The following RERE variants were observed in gnomAD, a reference collection of about 807,000 sequenced individuals.
RERE encodes arginine-glutamic acid dipeptide repeats protein.
Under a neutral mutation model 146.1 loss-of-function variants are expected in RERE, and 40 were observed. The ratio of observed to expected loss-of-function variants is 0.27; its 90% CI spans 0.21 to 0.36. RERE has a LOEUF of 0.36. RERE is among the 10% of genes least tolerant of loss of function. The probability of loss-of-function intolerance (pLI) is 1.00; values close to 1 mark genes in which losing one functional copy is unlikely to be tolerated. For synonymous variants in RERE, 1,003 were observed against 866.0 expected (o/e 1.16, Z -2.78); for missense variants, 1,933 against 2,138.7 (o/e 0.90, Z 1.90).
intron 1 of RERE, among the ~76,000 whole-genome samples, chr1:8,783,434 C>T (rs1423308194): frequency 1.3e-5 from 2 of 152,210 alleles, no homozygotes; most frequent in Non-Finnish European, 2.9e-5. Flanking sequence ...ATGGATGAAG[C>T]ACCACCATTT....
chr1:8,360,713 G>T lies in RERE; in HGVS notation c.2794C>A (p.Pro932Thr). 1 of 1,582,060 alleles carries T rather than the reference G, an allele frequency of 6.3e-7. No individual in the cohort carries two copies. ...GGCAGCTGGGGGATGGGAGTGGTAG[G>T]CGGGGGCTTGATGTGGGGCATGGCC... ...PLAMPHIKPPPTTPIPQLPAP... is the reference protein window; with the variant it reads ...PLAMPHIKPPTTTPIPQLPAP... Residue 932 changes from proline to threonine, a missense_variant, in exon 18 of 23, where the codon CCT (proline) becomes ACT (threonine). Pro to Thr is a conservative substitution (Grantham distance 38, BLOSUM62 -1). Transcript: ENST00000400908.
At chr1:8,525,982 G>A in intron 7 of RERE, 4 of 1,336,280 alleles carry the variant, frequency 3.0e-6, no homozygotes, top group Non-Finnish European at 3.8e-6. Context: ...TGACAGGACT[G>A]AGCATGTGCT....
At chr1:8,595,834 G>T (rs910634928) in intron 4 of RERE, among the ~76,000 whole-genome samples, 2 of 152,048 alleles carry the variant, frequency 1.3e-5, no homozygotes, top group African/African-American at 4.8e-5. Flanking sequence ...AATAATATAG[G>T]AAAGAAGAAA....
intron 7 of RERE, among the ~76,000 whole-genome samples, chr1:8,527,699 G>A (rs1161663567): frequency 6.6e-6 from 1 of 152,116 alleles, no homozygotes; most frequent in East Asian, 1.9e-4. Context: ...CAGCCTTTGT[G>A]GATATCCTCT....
At chr1:8,803,791 G>A (rs992025139) in intron 1 of RERE, among the ~76,000 whole-genome samples, 1 of 151,632 alleles carries the variant, frequency 6.6e-6, no homozygotes, top group Non-Finnish European at 1.5e-5. Flanking sequence ...CAAACTCTTG[G>A]GCTCAAGTGA....
intron 1 of RERE, among the ~76,000 whole-genome samples, chr1:8,725,109 G>A (rs569280535): frequency 3.3e-5 from 5 of 152,254 alleles, no homozygotes; most frequent in Non-Finnish European, 7.4e-5. Context: ...GGTGACAGAA[G>A]TAAACCTAAT....
At chr1:8,672,223 C>A (rs983085412) in intron 1 of RERE, among the ~76,000 whole-genome samples, 1 of 152,162 alleles carries the variant, frequency 6.6e-6, no homozygotes, top group East Asian at 1.9e-4. Flanking sequence ...ACCCAGGCTG[C>A]GATGCCAAGG....
intron 11 of RERE, chr1:8,465,424 T>G: frequency 3.4e-6 from 1 of 292,210 alleles, no homozygotes; most frequent in South Asian, 3.2e-5. Context: ...TGGTAGAGCA[T>G]GCCTACAGTC....
intron 1 of RERE, among the ~76,000 whole-genome samples, chr1:8,784,991 C>G (rs139682647): frequency 6.6e-6 from 1 of 152,284 alleles, no homozygotes; most frequent in Non-Finnish European, 1.5e-5. Flanking sequence ...ATAAGCAAAT[C>G]AAAGTTCCAC....
At chr1:8,406,380 T>G (rs1356104976) in intron 12 of RERE, among the ~76,000 whole-genome samples, 1 of 152,138 alleles carries the variant, frequency 6.6e-6, no homozygotes, top group Admixed American at 6.5e-5. Context: ...CAGATTAATA[T>G]TTTCAAGAGA....
At chr1:8,744,329 T>C (rs1297835185) in intron 1 of RERE, among the ~76,000 whole-genome samples, 2 of 152,222 alleles carry the variant, frequency 1.3e-5, no homozygotes, top group African/African-American at 2.4e-5. Flanking sequence ...AAGTTCCATA[T>C]GTGGGTAGTA....
intron 1 of RERE, among the ~76,000 whole-genome samples, chr1:8,692,005 G>A (rs1415490875): frequency 6.6e-6 from 1 of 152,114 alleles, no homozygotes; most frequent in Non-Finnish European, 1.5e-5. Context: ...TGAGTTCCTT[G>A]ATCATTAAAA....
intron 1 of RERE, among the ~76,000 whole-genome samples, chr1:8,737,428 A>G (rs1640223074): frequency 6.6e-6 from 1 of 152,192 alleles, no homozygotes; most frequent in African/African-American, 2.4e-5. Flanking sequence ...TGTTTCCTAA[A>G]TCTCCAAAAA....
At chr1:8,730,047 A>T (rs146900343) in intron 1 of RERE, among the ~76,000 whole-genome samples, 126 of 152,376 alleles carry the variant, frequency 8.3e-4, no homozygotes, top group African/African-American at 3.0e-3. Flanking sequence ...CAAAGAGAAG[A>T]TTTCAAGTAA....
chr1:8,653,855 TAC>T (rs1273625324), intron 2 of RERE, among the ~76,000 whole-genome samples: 1 of 152,026 alleles, frequency 6.6e-6, no homozygotes, highest in African/African-American at 2.4e-5. Context: ...CAAAGATAAA[TAC>T]AGACAGTACT....
chr1:8,366,108 G>T, intron 12 of RERE, 134 bp from the exon 13 acceptor site: 2 of 950,110 alleles, frequency 2.1e-6, no homozygotes, highest in Non-Finnish European at 3.1e-6. Flanking sequence ...GTCGCTCCTG[G>T]AGTTGGGAGA....
chr1:8,664,937 ATAC>A (rs1170420771), intron 1 of RERE, among the ~76,000 whole-genome samples: 1 of 152,194 alleles, frequency 6.6e-6, no homozygotes, highest in African/African-American at 2.4e-5. Context: ...CCACTTTACA[ATAC>A]GTCAGTGACT....
At chr1:8,402,371 A>G (rs1643291859) in intron 12 of RERE, among the ~76,000 whole-genome samples, 1 of 152,214 alleles carries the variant, frequency 6.6e-6, no homozygotes, top group Non-Finnish European at 1.5e-5. Flanking sequence ...TGTCACACAC[A>G]GCCATTTGTG....
In RERE at chr1:8,522,955, T is replaced by C. The variant is rs1013424067; in HGVS notation, c.831-14280A>G. 7.3e-5 allele frequency among the ~76,000 whole-genome samples: 11 copies of C among 151,578 alleles called. No individual in the cohort carries two copies. In the East Asian group the frequency reaches 1.4e-3, roughly 19 times the overall value. ...CTTTGGGAGGCCAAGGCAGCATGGA[T>C]TGCTTGAGGCCAGAAGTTTAAGACC... On this transcript the variant is annotated intron_variant, in intron 7 of 22. Coordinates refer to ENST00000400908, the MANE Select transcript of RERE (RefSeq NM_001042681.2).
Sources: allele counts gnomAD v4.1 joint callset (sites outside exome capture counted in the v4.1 genomes callset), GRCh38; gene constraint gnomAD v4.1.1; transcripts MANE v1.5; gene names NCBI Gene and HGNC (gene_info 2026-07-23, HGNC 2026-07-21).